The following ITCH variants were observed in gnomAD, a reference collection of about 807,000 sequenced individuals.
The protein encoded by ITCH is itchy E3 ubiquitin protein ligase, also known as E3 ubiquitin-protein ligase Itchy homolog.
Under a neutral mutation model 126.8 loss-of-function variants are expected in ITCH, and 28 were observed. That is an observed-to-expected ratio of 0.22 (90% CI 0.16 to 0.30). ITCH has a LOEUF of 0.30. ITCH is among the 10% of genes least tolerant of loss of function. The pLI is 1.00. For missense variants in ITCH, 631 were observed against 1,032.4 expected, an observed-to-expected ratio of 0.61 and a Z score of 5.33; for synonymous variants, 342 against 340.0, an observed-to-expected ratio of 1.01 and a Z score of -0.06.
In ITCH at chr20:34,456,455, G is replaced by A. The variant is rs1262214830; in HGVS notation, c.1211-935G>A. Among the ~76,000 whole-genome samples, 6 of 148,570 alleles carry A rather than the reference G, an allele frequency of 4.0e-5. No individual in the cohort carries two copies. The East Asian group carries it at 1.2e-3, about 29-fold the overall frequency. On this transcript the variant is annotated intron_variant, in intron 12 of 24. Coordinates refer to ENST00000374864, the MANE Select transcript of ITCH (RefSeq NM_031483.7). ...ACATGTCTCAAAATGAATAACTGATGTATTAAAGATCACAGAATGGATTCA... is the reference window on the plus strand; with the variant it reads ...ACATGTCTCAAAATGAATAACTGATATATTAAAGATCACAGAATGGATTCA...
intron 9 of ITCH, 23 bp downstream of exon 9, chr20:34,440,367 A>C: frequency 6.4e-7 from 1 of 1,559,122 alleles, no homozygotes. Flanking sequence ...TTAAATTAAC[A>C]TATGTTGTCT....
intron 2 of ITCH, among the ~76,000 whole-genome samples, chr20:34,371,391 C>T (rs1265821640): frequency 7.0e-6 from 1 of 143,828 alleles, no homozygotes; most frequent in Non-Finnish European, 1.5e-5. Flanking sequence ...ATTCTCTTGT[C>T]TCAGCCTCCT....
chr20:34,456,158 T>TTGTGTG (rs1161624865), intron 12 of ITCH, among the ~76,000 whole-genome samples: 42 of 47,700 alleles, frequency 8.8e-4, no homozygotes, highest in African/African-American at 2.4e-3. Flanking sequence ...TTTTTATATA[T>TTGTGTG]TGTGTGTGTG....
chr20:34,436,852 C>T (rs1568938851), intron 7 of ITCH, among the ~76,000 whole-genome samples: 3 of 152,128 alleles, frequency 2.0e-5, no homozygotes, highest in South Asian at 4.1e-4. Flanking sequence ...AGGACTGGTA[C>T]GCAGTGGCTC....
At chr20:34,368,789 G>C (rs1265764819) in intron 1 of ITCH, among the ~76,000 whole-genome samples, 3 of 152,102 alleles carry the variant, frequency 2.0e-5, no homozygotes, top group Admixed American at 6.6e-5. Context: ...GTCCCTAGGA[G>C]TCTCCAAGTT....
At chr20:34,505,240 C>G (rs1254506913) in intron 24 of ITCH, among the ~76,000 whole-genome samples, 35 of 152,076 alleles carry the variant, frequency 2.3e-4, no homozygotes, top group Non-Finnish European at 5.9e-5. Flanking sequence ...GATGGGGTTT[C>G]GCCATGTTGG....
chr20:34,393,865 A>G lies in ITCH; in HGVS notation c.54A>G (p.Ser18=). 2 of 1,613,838 alleles carry G rather than the reference A, an allele frequency of 1.2e-6. No individual in the cohort carries two copies. The highest frequency in any genetic ancestry group is 1.7e-6 in the Non-Finnish European group (2 of 1,179,742). ...CAATGGGTAGCCTCACCATGAAATCACAGCTTCAGATCACTGGTAAGTTTT... is the reference window on the plus strand; with the variant it reads ...CAATGGGTAGCCTCACCATGAAATCGCAGCTTCAGATCACTGGTAAGTTTT... ...LGSMGSLTMK[S]QLQITVISAK... The change falls in exon 3 of 25, where the codon TCA becomes TCG. Residue 18 remains serine (S), a synonymous_variant. Coordinates refer to ENST00000374864, the MANE Select transcript of ITCH (RefSeq NM_031483.7).
At chr20:34,491,931 A>G (rs1033406922) in intron 22 of ITCH, among the ~76,000 whole-genome samples, 8 of 152,126 alleles carry the variant, frequency 5.3e-5, no homozygotes, top group African/African-American at 1.9e-4. Flanking sequence ...AAAAGTCTGT[A>G]CTGACTCAAG....
At chr20:34,473,559 C>T (rs1177237300) in intron 16 of ITCH, among the ~76,000 whole-genome samples, 2 of 152,212 alleles carry the variant, frequency 1.3e-5, no homozygotes, top group African/African-American at 4.8e-5. Flanking sequence ...ATAAGGTTTC[C>T]ATTCTGTTAT....
intron 17 of ITCH, among the ~76,000 whole-genome samples, chr20:34,478,397 C>T (rs1988424332): frequency 6.6e-6 from 1 of 152,154 alleles, no homozygotes; most frequent in Non-Finnish European, 1.5e-5. Flanking sequence ...ATTCTGCTTT[C>T]TTCATATTGG....
chr20:34,469,312 G>A (rs1186861112), intron 14 of ITCH, among the ~76,000 whole-genome samples: 4 of 150,708 alleles, frequency 2.7e-5, no homozygotes, highest in African/African-American at 9.8e-5. Context: ...TTTTTTAGAC[G>A]GAGTCTAGCT....
intron 7 of ITCH, among the ~76,000 whole-genome samples, chr20:34,433,686 A>G (rs1034508209): frequency 1.3e-5 from 2 of 151,842 alleles, no homozygotes; most frequent in African/African-American, 2.4e-5. Context: ...AAAAAGACCA[A>G]TGAAAAGAAA....
rs1021814683 is a variant in ITCH at position 34,442,054 on chromosome 20, T to C, written c.870-154T>C. The C allele has an allele frequency of 1.3e-5, 9 of 684,104 alleles. No homozygotes were observed. In the African/African-American group the frequency reaches 1.6e-4, roughly 12 times the overall value. The allele number at this position is 684,104 out of a possible 1,614,324, so 42.4% of individuals were successfully genotyped here. On this transcript the variant is annotated intron_variant, in intron 9 of 24. Transcript: ENST00000374864. ...CTGCCTGAAGATTACATTTCTTCACTTTATTCCTAAATTGTATTTGTATCA... is the reference window on the plus strand; with the variant it reads ...CTGCCTGAAGATTACATTTCTTCACCTTATTCCTAAATTGTATTTGTATCA...
intron 2 of ITCH, among the ~76,000 whole-genome samples, chr20:34,386,849 C>G (rs1480945292): frequency 6.6e-6 from 1 of 152,122 alleles, no homozygotes; most frequent in Non-Finnish European, 1.5e-5. Context: ...AAATTATCTT[C>G]TGAAGTATGT....
intron 12 of ITCH, among the ~76,000 whole-genome samples, chr20:34,456,201 TATATATATATA>T (rs1985945874): frequency 2.7e-5 from 1 of 36,430 alleles, no homozygotes; most frequent in African/African-American, 1.4e-4. Context: ...TATATATATA[TATATATATATA>T]TATTTTTTTT....
rs570417023 is a variant in ITCH at position 34,383,014 on chromosome 20, T to C, written c.-21-10777T>C. Among the ~76,000 whole-genome samples the C allele has an allele frequency of 1.8e-4, 28 of 152,160 alleles. No individual in the cohort carries two copies. In the South Asian group the frequency reaches 5.6e-3, roughly 30 times the overall value. On this transcript the variant is annotated intron_variant, in intron 2 of 24. Transcript: ENST00000374864. Reference sequence around the variant, plus strand: ...GCCTCGGCCTCCCAAAATGCTGATATTACAGCCATGAGCCACCGCGCCCAG... The same window carrying C: ...GCCTCGGCCTCCCAAAATGCTGATACTACAGCCATGAGCCACCGCGCCCAG...
intron 2 of ITCH, among the ~76,000 whole-genome samples, chr20:34,377,643 C>T (rs1040508551): frequency 6.6e-6 from 1 of 151,708 alleles, no homozygotes; most frequent in Non-Finnish European, 1.5e-5. Context: ...GTGGGCAGAT[C>T]GCTTGAGCCC....
intron 20 of ITCH, among the ~76,000 whole-genome samples, chr20:34,483,157 G>C (rs1202185882): frequency 6.6e-6 from 1 of 152,146 alleles, no homozygotes; most frequent in Admixed American, 6.5e-5. Context: ...CTACAGGCTT[G>C]TGATAGGAGG....
chr20:34,449,113 A>G (rs2146320514), intron 11 of ITCH, among the ~76,000 whole-genome samples: 1 of 152,212 alleles, frequency 6.6e-6, no homozygotes, highest in Non-Finnish European at 1.5e-5. Context: ...TCTAATTTTT[A>G]TATTATTGAT....
Sources: gnomAD v4.1 joint callset for allele counts (sites outside exome capture counted in the v4.1 genomes callset) on GRCh38, gnomAD v4.1.1 for gene constraint, MANE v1.5 for transcripts, NCBI Gene and HGNC (gene_info 2026-07-23, HGNC 2026-07-21) for gene names.